Variants in SBF2 observed in about 807,000 individuals in gnomAD.
SBF2 encodes SET binding factor 2.
In SBF2, 112 loss-of-function variants were observed where a neutral mutation model predicts 225.2. The observed-to-expected ratio is 0.50, with a 90% CI of 0.43 to 0.58. The LOEUF (loss-of-function observed/expected upper bound fraction) is 0.58. Ranked by LOEUF, SBF2 falls within the 20% of genes least tolerant of loss-of-function variation. SBF2 has a pLI of 0.00. For synonymous variants in SBF2, 763 were observed against 773.3 expected (o/e 0.99, Z 0.22); for missense variants, 1,996 against 2,206.2 (o/e 0.90, Z 1.91).
At chr11:9,846,868 T>C (rs1856585361) in intron 23 of SBF2, 88 bp downstream of exon 23, 1 of 1,436,348 alleles carries the variant, frequency 7.0e-7, no homozygotes, top group Non-Finnish European at 9.8e-7. Context: ...TCTTAACTTC[T>C]GAGCACATGA....
At chr11:9,780,811 T>C (rs1851955897) in intron 39 of SBF2, 1 of 410,914 alleles carries the variant, frequency 2.4e-6, no homozygotes, top group South Asian at 2.1e-5. Context: ...CAATGAATGG[T>C]GCCTTTAACC....
chr11:10,117,418 G>T (rs1953194763), intron 2 of SBF2, among the ~76,000 whole-genome samples: 1 of 144,652 alleles, frequency 6.9e-6, no homozygotes, highest in Non-Finnish European at 1.5e-5. Context: ...TCCAGCCTGG[G>T]CGACAGAGTG....
At chr11:9,809,580 T>C (rs1854057336) in intron 30 of SBF2, among the ~76,000 whole-genome samples, 1 of 150,662 alleles carries the variant, frequency 6.6e-6, no homozygotes, top group African/African-American at 2.4e-5. Flanking sequence ...AGTCTCGCTC[T>C]GTCACCCAGG....
chr11:10,154,599 CTG>C (rs1043626081), intron 2 of SBF2, among the ~76,000 whole-genome samples: 11 of 152,120 alleles, frequency 7.2e-5, no homozygotes, highest in African/African-American at 2.2e-4. Flanking sequence ...GCTAAATCCC[CTG>C]TGAGTCTGTT....
At chr11:9,804,599 T>C (rs889085255) in intron 32 of SBF2, among the ~76,000 whole-genome samples, 2 of 152,234 alleles carry the variant, frequency 1.3e-5, no homozygotes, top group Non-Finnish European at 2.9e-5. Context: ...TGCATGATGA[T>C]TGATCCCCTC....
chr11:10,293,173 T>C (rs113184726), intron 1 of SBF2, among the ~76,000 whole-genome samples: 92 of 151,710 alleles, frequency 6.1e-4, no homozygotes, highest in African/African-American at 1.7e-3. Context: ...CTTAGCTACA[T>C]AGTAATACAA....
rs549875156 is a variant in SBF2, at chr11:9,989,439, C to A, written c.1395+58G>T. On this transcript the variant is annotated intron_variant, in intron 13 of 39. Coordinates refer to ENST00000256190, the MANE Select transcript of SBF2 (RefSeq NM_030962.4). ...GTAACACCCGTACCCCAATAACTTA[C>A]GGAAAAATAAATAAATAAATAAAAT... 6 of 1,154,956 alleles carry A rather than the reference C, an allele frequency of 5.2e-6. No individual in the cohort carries two copies. In the African/African-American group the frequency reaches 9.3e-5, roughly 18 times the overall value. 71.5% of individuals were successfully genotyped at this position (1,154,956 alleles called of 1,614,324 possible).
chr11:10,039,481 G>A (rs755144118), intron 3 of SBF2, among the ~76,000 whole-genome samples: 46 of 151,548 alleles, frequency 3.0e-4, no homozygotes, highest in Non-Finnish European at 5.0e-4. Flanking sequence ...TATAGAATCC[G>A]GAATTCTCAC....
chr11:10,204,323 T>C (rs1017841984), intron 1 of SBF2, among the ~76,000 whole-genome samples: 5 of 150,120 alleles, frequency 3.3e-5, no homozygotes, highest in Non-Finnish European at 7.4e-5. Context: ...ATCTATATAA[T>C]CGAATATTAT....
chr11:9,935,778 C>T (rs1422356097), intron 16 of SBF2, among the ~76,000 whole-genome samples: 2 of 152,172 alleles, frequency 1.3e-5, no homozygotes, highest in African/African-American at 4.8e-5. Flanking sequence ...AACTGGATCA[C>T]TTCCTTACAC....
At chr11:10,276,410 A>G (rs10840381) in intron 1 of SBF2, among the ~76,000 whole-genome samples, 1 of 151,934 alleles carries the variant, frequency 6.6e-6, no homozygotes, top group Admixed American at 6.6e-5. Flanking sequence ...TGGAAAAAAA[A>G]CTGTTTTGGC....
chr11:9,826,535 C>T (rs1028991046), intron 28 of SBF2, among the ~76,000 whole-genome samples: 4 of 152,034 alleles, frequency 2.6e-5, no homozygotes, highest in Admixed American at 2.6e-4. Flanking sequence ...GGAGAGTACA[C>T]TTACTTTCTA....
intron 16 of SBF2, among the ~76,000 whole-genome samples, chr11:9,918,746 T>C (rs1421646309): frequency 1.4e-5 from 2 of 146,612 alleles, no homozygotes; most frequent in African/African-American, 5.0e-5. Flanking sequence ...GATTTACGTC[T>C]TTTTTTTTTT....
chr11:10,050,509 C>A (rs957124684), intron 2 of SBF2, among the ~76,000 whole-genome samples: 6 of 151,908 alleles, frequency 3.9e-5, no homozygotes, highest in African/African-American at 1.5e-4. Context: ...AAGAGATGAA[C>A]AATAACTAAT....
chr11:9,843,586 C>T (rs1014941984), intron 24 of SBF2, among the ~76,000 whole-genome samples: 3 of 152,170 alleles, frequency 2.0e-5, no homozygotes, highest in African/African-American at 7.2e-5. Context: ...ATATTCTTCT[C>T]TATCACAAAG....
At chr11:9,810,693 T>C (rs1854131670) in intron 30 of SBF2, 1 of 152,308 alleles carries the variant, frequency 6.6e-6, no homozygotes, top group South Asian at 2.1e-4. Context: ...ATGGCTATTA[T>C]TAAAAAGTCA....
chr11:10,261,010 C>T (rs557773540), intron 1 of SBF2, among the ~76,000 whole-genome samples: 10 of 152,180 alleles, frequency 6.6e-5, no homozygotes, highest in African/African-American at 2.2e-4. Context: ...ATAAAATAGG[C>T]AAATGATCTG....
chr11:10,010,365 TTTTAAGTCTTACA>T (rs1425403440), intron 6 of SBF2, among the ~76,000 whole-genome samples: 1 of 152,220 alleles, frequency 6.6e-6, no homozygotes, highest in East Asian at 1.9e-4. Context: ...GTTTTAATGG[TTTTAAGTCTTACA>T]TTTAAGTTTT....
chr11:10,090,252 T>C (rs556290217), intron 2 of SBF2, among the ~76,000 whole-genome samples: 17 of 152,326 alleles, frequency 1.1e-4, no homozygotes, highest in Middle Eastern at 6.8e-3. Flanking sequence ...TGGGGATGGA[T>C]AGCAGTGCTG....
Sources: allele counts gnomAD v4.1 joint callset (sites outside exome capture counted in the v4.1 genomes callset), GRCh38; gene constraint gnomAD v4.1.1; transcripts MANE v1.5; gene names NCBI Gene and HGNC (gene_info 2026-07-23, HGNC 2026-07-21).